The following GPATCH2 variants were observed in gnomAD, a reference collection of about 807,000 sequenced individuals.
GPATCH2 encodes the protein G patch domain-containing protein 2.
A neutral mutation model predicts 58.0 loss-of-function variants in GPATCH2; 51 were observed. The observed-to-expected ratio is 0.88, with a 90% CI of 0.70 to 1.11. The LOEUF is 1.11. Ranked by LOEUF, GPATCH2 falls within the 50% of genes most tolerant of loss-of-function variation. The pLI, the probability that GPATCH2 is intolerant of heterozygous loss-of-function variation, is 0.00. For missense variants in GPATCH2, 625 were observed against 652.2 expected (o/e 0.96, Z 0.45); for synonymous variants, 222 against 218.5 (o/e 1.02, Z -0.14).
chr1:217,578,869 T>G (rs937310289), intron 5 of GPATCH2, among the ~76,000 whole-genome samples: 4 of 152,218 alleles, frequency 2.6e-5, no homozygotes, highest in Admixed American at 2.6e-4. Flanking sequence ...GAATCAAGAC[T>G]GCCAGTATTT....
intron 5 of GPATCH2, among the ~76,000 whole-genome samples, chr1:217,561,327 T>C (rs993597277): frequency 1.3e-5 from 2 of 152,176 alleles, no homozygotes; most frequent in Admixed American, 6.5e-5. Context: ...GGAGCTCTGG[T>C]GTCACTAAAA....
At chr1:217,435,053 C>T (rs1239219589) in intron 9 of GPATCH2, among the ~76,000 whole-genome samples, 5 of 152,136 alleles carry the variant, frequency 3.3e-5, no homozygotes, top group African/African-American at 1.2e-4. Flanking sequence ...GAAAATGATT[C>T]TAGAGTGAAA....
intron 5 of GPATCH2, among the ~76,000 whole-genome samples, chr1:217,603,982 T>C (rs1668236413): frequency 6.6e-6 from 1 of 152,032 alleles, no homozygotes; most frequent in African/African-American, 2.4e-5. Flanking sequence ...AAAAGAAATA[T>C]TTATTATAAT....
At chr1:217,551,504 C>T (rs1252936737) in intron 5 of GPATCH2, among the ~76,000 whole-genome samples, 1 of 152,108 alleles carries the variant, frequency 6.6e-6, no homozygotes, top group Non-Finnish European at 1.5e-5. Context: ...GAATACCACC[C>T]ACCGCTCTAG....
intron 5 of GPATCH2, among the ~76,000 whole-genome samples, chr1:217,602,704 AG>A (rs1358169583): frequency 6.6e-6 from 1 of 152,164 alleles, no homozygotes; most frequent in African/African-American, 2.4e-5. Flanking sequence ...AAACATACAA[AG>A]GGAAGAAAGG....
chr1:217,625,419 T>G (rs1669403027), intron 1 of GPATCH2, among the ~76,000 whole-genome samples: 1 of 152,158 alleles, frequency 6.6e-6, no homozygotes. Flanking sequence ...CTCTTAAATG[T>G]CAGTTAGCAA....
At chr1:217,586,393 G>A (rs1478725691) in intron 5 of GPATCH2, among the ~76,000 whole-genome samples, 1 of 145,382 alleles carries the variant, frequency 6.9e-6, no homozygotes, top group Non-Finnish European at 1.5e-5. Flanking sequence ...AAAACTTTTT[G>A]TTAAAAACAA....
chr1:217,457,286 C>T (rs265114), intron 8 of GPATCH2, among the ~76,000 whole-genome samples: 11,126 of 152,154 alleles, frequency 0.073, 548 homozygotes, highest in Middle Eastern at 0.15. Context: ...TGAAAAAGTC[C>T]GCTTATCAAT....
At chr1:217,504,026 T>G (rs1392298050) in intron 6 of GPATCH2, among the ~76,000 whole-genome samples, 1 of 152,122 alleles carries the variant, frequency 6.6e-6, no homozygotes, top group Non-Finnish European at 1.5e-5. Context: ...GTCTCCTGAT[T>G]CCAAAGCCCA....
At chr1:217,529,574 G>A (rs187076718) in intron 5 of GPATCH2, among the ~76,000 whole-genome samples, 183 of 152,186 alleles carry the variant, frequency 1.2e-3, no homozygotes, top group African/African-American at 4.2e-3. Flanking sequence ...AAGACAGTGC[G>A]GTACCCTTGA....
chr1:217,620,231 T>C lies in GPATCH2; in HGVS notation c.325A>G (p.Asn109Asp), dbSNP rs767899370. Residue 109 changes from asparagine (N) to aspartate (D), a missense_variant, in exon 2 of 10, where the codon AAT becomes GAT. Asn to Asp is a conservative substitution (Grantham distance 23). Coordinates refer to ENST00000366935, the MANE Select transcript of GPATCH2 (RefSeq NM_018040.5). ...PSKDYRENHNNNKKDHSDSDD... is the reference protein window; with the variant it reads ...PSKDYRENHNDNKKDHSDSDD... The stretch of plus-strand genomic sequence containing the variant: ...GAGTCACTGTGATCTTTTTTATTAT[T>C]ATTGTGATTCTCTCTATAGTCCTTG... The C allele has an allele frequency of 1.9e-6, 3 of 1,613,780 alleles. No individual in the cohort carries two copies. Among genetic ancestry groups the C allele is most frequent in the Non-Finnish European group, 2.5e-6 (3 of 1,179,834 alleles).
At chr1:217,590,245 C>T (rs560134182) in intron 5 of GPATCH2, among the ~76,000 whole-genome samples, 10 of 152,130 alleles carry the variant, frequency 6.6e-5, no homozygotes, top group African/African-American at 2.2e-4. Flanking sequence ...TGGTCTTGAA[C>T]GCCTGACCTC....
intron 5 of GPATCH2, among the ~76,000 whole-genome samples, chr1:217,540,277 C>T (rs981245550): frequency 1.3e-5 from 2 of 151,992 alleles, no homozygotes; most frequent in African/African-American, 2.4e-5. Flanking sequence ...AAGTAAGACC[C>T]ACAGACTTGC....
intron 1 of GPATCH2, among the ~76,000 whole-genome samples, chr1:217,622,744 T>C (rs934923346): frequency 2.6e-5 from 4 of 152,142 alleles, no homozygotes; most frequent in African/African-American, 9.7e-5. Context: ...AGGGTTTCAC[T>C]GTGTTGGCCA....
chr1:217,526,717 A>C (rs1663925599), intron 5 of GPATCH2, among the ~76,000 whole-genome samples: 1 of 152,192 alleles, frequency 6.6e-6, no homozygotes, highest in Non-Finnish European at 1.5e-5. Context: ...TCTATCCCAA[A>C]TCTGGTTGTT....
intron 8 of GPATCH2, among the ~76,000 whole-genome samples, chr1:217,453,236 C>G (rs1659753872): frequency 6.6e-6 from 1 of 152,138 alleles, no homozygotes; most frequent in Non-Finnish European, 1.5e-5. Context: ...AATGACAATG[C>G]AACGTCCTAG....
intron 8 of GPATCH2, among the ~76,000 whole-genome samples, chr1:217,487,425 CTTTTT>C (rs556623228): frequency 7.3e-6 from 1 of 137,248 alleles, no homozygotes. Context: ...AAGAGTACTT[CTTTTT>C]TTTTTTTTTT....
chr1:217,571,702 C>A (rs1215266178), intron 5 of GPATCH2, among the ~76,000 whole-genome samples: 2 of 65,500 alleles, frequency 3.1e-5, no homozygotes, highest in South Asian at 6.1e-4. Context: ...AAAAACGAAA[C>A]CAAAAAAAAA....
intron 5 of GPATCH2, among the ~76,000 whole-genome samples, chr1:217,586,176 T>A (rs1214657895): frequency 6.6e-6 from 1 of 152,182 alleles, no homozygotes; most frequent in East Asian, 1.9e-4. Context: ...AAATTTATTT[T>A]AAAATATCCT....
Sources: gnomAD v4.1 joint callset for allele counts (sites outside exome capture counted in the v4.1 genomes callset) on GRCh38, gnomAD v4.1.1 for gene constraint, MANE v1.5 for transcripts, NCBI Gene and HGNC (gene_info 2026-07-23, HGNC 2026-07-21) for gene names.